The following CSMD3 variants were observed in gnomAD, a reference collection of about 807,000 sequenced individuals.
CSMD3 encodes CUB and Sushi multiple domains 3, also known as CUB and sushi domain-containing protein 3.
CSMD3 carries 177 observed loss-of-function variants against 435.2 expected under a neutral mutation model. The ratio of observed to expected loss-of-function variants is 0.41; its 90% CI spans 0.36 to 0.46. The LOEUF (loss-of-function observed/expected upper bound fraction) is 0.46. Ranked by LOEUF, CSMD3 falls within the 20% of genes least tolerant of loss-of-function variation. CSMD3 has a pLI of 0.34. For synonymous variants in CSMD3, 1,656 were observed against 1,520.5 expected (o/e 1.09, Z -2.07); for missense variants, 4,265 against 4,504.6 (o/e 0.95, Z 1.52).
chr8:112,569,349 A>G (rs943517187), intron 24 of CSMD3, among the ~76,000 whole-genome samples: 27 of 152,076 alleles, frequency 1.8e-4, no homozygotes, highest in African/African-American at 6.5e-4. Flanking sequence ...CTCACTCTTC[A>G]CTTTTTCTTA....
intron 13 of CSMD3, among the ~76,000 whole-genome samples, chr8:112,754,808 T>C (rs2077652031): frequency 6.6e-6 from 1 of 152,200 alleles, no homozygotes; most frequent in East Asian, 1.9e-4. Context: ...CACCTTCTGT[T>C]ACCCTTTTGA....
intron 32 of CSMD3, among the ~76,000 whole-genome samples, chr8:112,434,282 C>T (rs1325765193): frequency 6.6e-6 from 1 of 152,082 alleles, no homozygotes; most frequent in African/African-American, 2.4e-5. Flanking sequence ...GGCATAATGC[C>T]TGGCATAAGT....
intron 22 of CSMD3, among the ~76,000 whole-genome samples, chr8:112,630,290 G>A (rs2074477905): frequency 6.6e-6 from 1 of 152,064 alleles, no homozygotes; most frequent in African/African-American, 2.4e-5. Context: ...AATTAGATGA[G>A]AGAAAGCTGG....
At chr8:112,642,879 C>G (rs1466465688) in intron 20 of CSMD3, among the ~76,000 whole-genome samples, 1 of 152,100 alleles carries the variant, frequency 6.6e-6, no homozygotes, top group Non-Finnish European at 1.5e-5. Context: ...CAAATACTGT[C>G]TTCTTCAATG....
intron 59 of CSMD3, among the ~76,000 whole-genome samples, chr8:112,277,223 C>A (rs980752377): frequency 6.6e-6 from 1 of 152,118 alleles, no homozygotes; most frequent in African/African-American, 2.4e-5. Flanking sequence ...TTTTTAACAG[C>A]ACCTGAATCA....
chr8:112,373,118 G>T (rs1382021706), intron 38 of CSMD3, among the ~76,000 whole-genome samples: 1 of 151,042 alleles, frequency 6.6e-6, no homozygotes, highest in South Asian at 2.1e-4. Context: ...AAGAACACCT[G>T]CCATGTTTCC....
chr8:113,419,250 T>C (rs1023746841), intron 1 of CSMD3, among the ~76,000 whole-genome samples: 1 of 151,622 alleles, frequency 6.6e-6, no homozygotes, highest in Non-Finnish European at 1.5e-5. Context: ...TCTGAGTAGA[T>C]GGGATTACAG....
intron 1 of CSMD3, among the ~76,000 whole-genome samples, chr8:113,324,520 G>C (rs909311536): frequency 1.3e-5 from 2 of 152,276 alleles, no homozygotes; most frequent in East Asian, 3.9e-4. Flanking sequence ...CAGAAGTAAA[G>C]AACTGGGGTT....
chr8:112,607,060 T>C (rs1180348805), intron 22 of CSMD3, among the ~76,000 whole-genome samples: 1 of 139,612 alleles, frequency 7.2e-6, no homozygotes, highest in African/African-American at 2.7e-5. Flanking sequence ...AAATGGAGAC[T>C]AGGAAAGCAA....
At chr8:112,969,397 A>G (rs2084555816) in intron 7 of CSMD3, among the ~76,000 whole-genome samples, 1 of 151,990 alleles carries the variant, frequency 6.6e-6, no homozygotes, top group Admixed American at 6.6e-5. Flanking sequence ...AAACTGTTAA[A>G]CTAGAGTTTC....
intron 9 of CSMD3, among the ~76,000 whole-genome samples, chr8:112,922,194 T>G (rs2082764783): frequency 3.3e-5 from 5 of 152,080 alleles, no homozygotes; most frequent in Admixed American, 3.3e-4. Flanking sequence ...TTGTACTGAT[T>G]GATTTTCATA....
chr8:112,750,164 T>C (rs1376408395), intron 13 of CSMD3, among the ~76,000 whole-genome samples: 2 of 151,982 alleles, frequency 1.3e-5, no homozygotes, highest in Non-Finnish European at 2.9e-5. Flanking sequence ...TAAGAAGAGC[T>C]TTGTGTGACG....
intron 3 of CSMD3, among the ~76,000 whole-genome samples, chr8:113,248,286 A>G (rs1319595468): frequency 6.6e-6 from 1 of 151,520 alleles, no homozygotes; most frequent in Non-Finnish European, 1.5e-5. Context: ...CATTTTTCAA[A>G]TATGAGAAAA....
intron 32 of CSMD3, among the ~76,000 whole-genome samples, chr8:112,447,188 T>A (rs1815703225): frequency 6.6e-6 from 1 of 152,136 alleles, no homozygotes; most frequent in Non-Finnish European, 1.5e-5. Context: ...GGATAAATAT[T>A]CAAACTAAGT....
At chr8:113,122,456 T>C (rs960289746) in intron 4 of CSMD3, among the ~76,000 whole-genome samples, 2 of 152,134 alleles carry the variant, frequency 1.3e-5, no homozygotes, top group South Asian at 4.1e-4. Flanking sequence ...ACATTGAAGA[T>C]ACATTTAAGT....
At chr8:112,986,949 A>T (rs1266476879) in intron 6 of CSMD3, among the ~76,000 whole-genome samples, 1 of 152,048 alleles carries the variant, frequency 6.6e-6, no homozygotes, top group Non-Finnish European at 1.5e-5. Flanking sequence ...AGTTTCTATG[A>T]GTTTCCCTCA....
intron 13 of CSMD3, among the ~76,000 whole-genome samples, chr8:112,788,481 G>A (rs762091840): frequency 4.6e-5 from 7 of 151,954 alleles, no homozygotes; most frequent in South Asian, 2.1e-4. Flanking sequence ...AAAGTTCACC[G>A]CCTCTGGAAA....
Position 113,068,983 on chromosome 8 carries a change from G to A in CSMD3, c.917+29773C>T, listed in dbSNP as rs960566535. On this transcript the variant is annotated intron_variant, in intron 5 of 70. Coordinates refer to ENST00000297405, the MANE Select transcript of CSMD3 (RefSeq NM_198123.2). ...ATTCTGTATAAGGATAAACAGGTAA[G>A]GAAACAGTTACTAGGGAGTTAAGCA... Among the ~76,000 whole-genome samples, 4 of 151,736 alleles carry A rather than the reference G, an allele frequency of 2.6e-5. No homozygotes were observed. In the South Asian group the frequency reaches 6.2e-4, roughly 24 times the overall value.
chr8:112,406,470 C>A (rs1831869158), intron 35 of CSMD3, 54 bp downstream of exon 35: 2 of 1,254,572 alleles, frequency 1.6e-6, no homozygotes, highest in Non-Finnish European at 2.3e-6. Flanking sequence ...AAGATGTAAC[C>A]AATTTTTATA....
Sources: gnomAD v4.1 joint callset for allele counts (sites outside exome capture counted in the v4.1 genomes callset) on GRCh38, gnomAD v4.1.1 for gene constraint, MANE v1.5 for transcripts, NCBI Gene and HGNC (gene_info 2026-07-23, HGNC 2026-07-21) for gene names.